Variants in ZSWIM5 observed in about 807,000 individuals in gnomAD.
The protein encoded by ZSWIM5 is zinc finger SWIM domain-containing protein 5.
A neutral mutation model predicts 119.6 loss-of-function variants in ZSWIM5; 55 were observed. The observed-to-expected ratio is 0.46, with a 90% CI of 0.37 to 0.58. The LOEUF is 0.58. Among genes scored for constraint, ZSWIM5 ranks in the 20% least tolerant of loss-of-function variants. The probability of loss-of-function intolerance (pLI) is 0.00; values close to 1 mark genes in which losing one functional copy is unlikely to be tolerated. For synonymous variants in ZSWIM5, 537 were observed against 606.9 expected (o/e 0.88, Z 1.69); for missense variants, 1,193 against 1,512.8 (o/e 0.79, Z 3.51).
At chr1:45,199,100 TC>T (rs1646142700) in intron 1 of ZSWIM5, among the ~76,000 whole-genome samples, 1 of 152,152 alleles carries the variant, frequency 6.6e-6, no homozygotes. Context: ...TTCCAGTTAC[TC>T]CATATACTTG....
intron 11 of ZSWIM5, among the ~76,000 whole-genome samples, chr1:45,031,169 ATTTTTTTT>A (rs34390567): frequency 3.2e-5 from 2 of 61,746 alleles, no homozygotes; most frequent in African/African-American, 7.0e-5. Context: ...TTTTGCTCTG[ATTTTTTTT>A]TTTTTTTTTT....
chr1:45,123,153 C>T (rs377148360), intron 1 of ZSWIM5, among the ~76,000 whole-genome samples: 9 of 152,044 alleles, frequency 5.9e-5, no homozygotes, highest in South Asian at 4.2e-4. Flanking sequence ...CCAGCTAAAA[C>T]GGAAGTTTAA....
At chr1:45,024,192 C>CTTTTTTTTTTTTTT in intron 11 of ZSWIM5, among the ~76,000 whole-genome samples, 1 of 129,534 alleles carries the variant, frequency 7.7e-6, no homozygotes, top group Non-Finnish European at 1.6e-5. Flanking sequence ...CTTTTCTTTT[C>CTTTTTTTTTTTTTT]TTTTTTTTTT....
intron 1 of ZSWIM5, among the ~76,000 whole-genome samples, chr1:45,166,238 G>T (rs1040218545): frequency 1.3e-5 from 2 of 152,094 alleles, no homozygotes; most frequent in African/African-American, 4.8e-5. Flanking sequence ...CTCAATAGAT[G>T]CAGAAAAGGC....
intron 1 of ZSWIM5, among the ~76,000 whole-genome samples, chr1:45,102,374 C>T (rs1268967858): frequency 1.3e-4 from 20 of 152,192 alleles, no homozygotes. Context: ...CATGCTAATT[C>T]TTGACTCAAA....
intron 6 of ZSWIM5, among the ~76,000 whole-genome samples, chr1:45,040,995 A>G (rs968208269): frequency 5.3e-5 from 8 of 152,238 alleles, no homozygotes; most frequent in Non-Finnish European, 1.0e-4. Flanking sequence ...CAAATGATAC[A>G]TAAATGTAAT....
chr1:45,166,011 C>G (rs1645899894), intron 1 of ZSWIM5, among the ~76,000 whole-genome samples: 1 of 151,820 alleles, frequency 6.6e-6, no homozygotes, highest in Admixed American at 6.6e-5. Flanking sequence ...AGAGACACAA[C>G]AAAAAAAGAG....
At chr1:45,164,273 G>C (rs1208869079) in intron 1 of ZSWIM5, among the ~76,000 whole-genome samples, 1 of 152,124 alleles carries the variant, frequency 6.6e-6, no homozygotes, top group Non-Finnish European at 1.5e-5. Context: ...CAAATGCTGA[G>C]AGATTTTGTC....
intron 2 of ZSWIM5, among the ~76,000 whole-genome samples, chr1:45,073,143 G>A (rs531437667): frequency 1.3e-5 from 2 of 150,658 alleles, no homozygotes; most frequent in East Asian, 3.9e-4. Flanking sequence ...TCACTTTCTT[G>A]GTTAACTCCT....
At chr1:45,096,555 C>T (rs988525684) in intron 1 of ZSWIM5, among the ~76,000 whole-genome samples, 2 of 144,986 alleles carry the variant, frequency 1.4e-5, no homozygotes, top group African/African-American at 5.0e-5. Context: ...CACACACACG[C>T]ACACACACAC....
chr1:45,086,927 A>C lies in ZSWIM5; in HGVS notation c.952+954T>G, dbSNP rs563930263. Among the ~76,000 whole-genome samples, 113 of 136,376 alleles carry C rather than the reference A, an allele frequency of 8.3e-4. 1 individual carries two copies. Among genetic ancestry groups the C allele is most frequent in the African/African-American group, 3.1e-3 (111 of 35,750 alleles). 89.5% of individuals were successfully genotyped at this position (136,376 alleles called of 152,430 possible). On this transcript the variant is annotated intron_variant, in intron 2 of 13. Coordinates refer to ENST00000359600, the MANE Select transcript of ZSWIM5 (RefSeq NM_020883.2). ...GAGATGGAATCTTGCTCTGTCACCC[A>C]GGCTGGAGTGCAGTGGCGTGATCTC...
intron 2 of ZSWIM5, among the ~76,000 whole-genome samples, chr1:45,069,223 G>A (rs547286950): frequency 3.3e-5 from 5 of 152,050 alleles, no homozygotes; most frequent in South Asian, 4.2e-4. Flanking sequence ...TCAGCAGATC[G>A]AGACCATCCT....
intron 1 of ZSWIM5, among the ~76,000 whole-genome samples, chr1:45,184,293 T>C (rs1646042671): frequency 6.6e-6 from 1 of 151,912 alleles, no homozygotes; most frequent in Non-Finnish European, 1.5e-5. Context: ...GCCAATATCA[T>C]ACTGAATGGG....
At chr1:45,105,388 C>T (rs1414971904) in intron 1 of ZSWIM5, among the ~76,000 whole-genome samples, 1 of 151,956 alleles carries the variant, frequency 6.6e-6, no homozygotes, top group Admixed American at 6.6e-5. Context: ...AGGAAGTGAG[C>T]AGCGTCTCTG....
At chr1:45,052,405 C>T (rs1488655105) in intron 4 of ZSWIM5, among the ~76,000 whole-genome samples, 1 of 152,142 alleles carries the variant, frequency 6.6e-6, no homozygotes, top group Admixed American at 6.5e-5. Flanking sequence ...TATTTCAAAG[C>T]CTCTCAAAGC....
intron 2 of ZSWIM5, among the ~76,000 whole-genome samples, chr1:45,068,099 T>C (rs1463294495): frequency 5.9e-5 from 3 of 50,686 alleles, no homozygotes; most frequent in Non-Finnish European, 8.1e-5. Flanking sequence ...TTCTTTTTTT[T>C]TTTTTTTCTT....
intron 1 of ZSWIM5, among the ~76,000 whole-genome samples, chr1:45,098,450 C>T (rs932238252): frequency 2.6e-5 from 4 of 152,174 alleles, no homozygotes; most frequent in Non-Finnish European, 5.9e-5. Context: ...ATTCCCTCTA[C>T]TCATCTTCCA....
intron 2 of ZSWIM5, among the ~76,000 whole-genome samples, chr1:45,073,839 T>C (rs924348584): frequency 6.6e-6 from 1 of 151,936 alleles, no homozygotes; most frequent in African/African-American, 2.4e-5. Context: ...TTTCAGTTTT[T>C]CCCCATTCAA....
chr1:45,103,913 C>T (rs955252148), intron 1 of ZSWIM5, among the ~76,000 whole-genome samples: 3 of 152,122 alleles, frequency 2.0e-5, no homozygotes, highest in Non-Finnish European at 4.4e-5. Flanking sequence ...TCACCAGGCC[C>T]CTAGGCAGGT....
Sources: allele counts gnomAD v4.1 joint callset (sites outside exome capture counted in the v4.1 genomes callset), GRCh38; gene constraint gnomAD v4.1.1; transcripts MANE v1.5; gene names NCBI Gene and HGNC (gene_info 2026-07-23, HGNC 2026-07-21).